Variants in COL4A6 observed in about 807,000 individuals in gnomAD.
COL4A6 encodes the protein collagen alpha-6(IV) chain.
Under a neutral mutation model 126.7 loss-of-function variants are expected in COL4A6, and 59 were observed. That is an observed-to-expected ratio of 0.47 (90% CI 0.38 to 0.58). The LOEUF is 0.58. COL4A6 is among the 20% of genes least tolerant of loss of function. The probability of loss-of-function intolerance (pLI) is 0.00; values close to 1 mark genes in which losing one functional copy is unlikely to be tolerated. For synonymous variants in COL4A6, 547 were observed against 496.6 expected (o/e 1.10, Z -1.35); for missense variants, 1,285 against 1,337.3 (o/e 0.96, Z 0.61).
At chrX:108,159,338 C>T in intron 44 of COL4A6, 124 bp downstream of exon 44, 1 of 835,922 alleles carries the variant, frequency 1.2e-6, no homozygotes, top group Non-Finnish European at 1.7e-6. Context: ...TTTAGCCAAG[C>T]CCAGTCCAAG....
intron 2 of COL4A6, among the ~76,000 whole-genome samples, chrX:108,391,805 C>T (rs1395670273): frequency 1.8e-5 from 2 of 112,473 alleles, no homozygotes; most frequent in African/African-American, 6.5e-5. Context: ...AGGCGCTGCC[C>T]CACCCTGCTT....
At chrX:108,197,916 T>C (rs2035272204) in intron 13 of COL4A6, among the ~76,000 whole-genome samples, 1 of 110,634 alleles carries the variant, frequency 9.0e-6, no homozygotes, top group Non-Finnish European at 1.9e-5. Context: ...ACATTAAATT[T>C]CTAATGTGAA....
intron 7 of COL4A6, among the ~76,000 whole-genome samples, chrX:108,210,371 C>A (rs1223091918): frequency 8.9e-6 from 1 of 112,114 alleles, no homozygotes; most frequent in African/African-American, 3.2e-5. Flanking sequence ...TCCTGTGTGC[C>A]TTCATCCCCA....
rs191025144 is a variant in COL4A6 at position 108,281,917 on chromosome X, T to C, written c.144+28831A>G. ...GGGAAAGGATTCCCTATTTAATAAA[T>C]GGTACTGGGAAAACTGGCTAGCCAT... On this transcript the variant is annotated intron_variant, in intron 3 of 44. Transcript: ENST00000334504. Among the ~76,000 whole-genome samples, 593 of 110,018 alleles carry C rather than the reference T, an allele frequency of 5.4e-3. 3 individuals are homozygous for C. Among genetic ancestry groups the C allele is most frequent in the African/African-American group, 0.018 (550 of 30,467 alleles).
At chrX:108,349,557 T>C (rs1028333529) in intron 2 of COL4A6, among the ~76,000 whole-genome samples, 2 of 111,753 alleles carry the variant, frequency 1.8e-5, no homozygotes, top group Non-Finnish European at 3.8e-5. Flanking sequence ...ATTATAATAA[T>C]ACTTTCCGTA....
chrX:108,244,031 TAACC>T (rs1402599060), intron 3 of COL4A6, among the ~76,000 whole-genome samples: 1 of 111,792 alleles, frequency 8.9e-6, no homozygotes, highest in Non-Finnish European at 1.9e-5. Flanking sequence ...TGTATTTTCT[TAACC>T]AAGACATATG....
At chrX:108,315,192 C>A (rs112137199) in intron 2 of COL4A6, among the ~76,000 whole-genome samples, 2 of 111,990 alleles carry the variant, frequency 1.8e-5, no homozygotes, top group Admixed American at 9.4e-5. Flanking sequence ...GTACTTTTTT[C>A]CCCCAGATCA....
At chrX:108,307,757 T>C (rs1319611092) in intron 3 of COL4A6, among the ~76,000 whole-genome samples, 2 of 111,707 alleles carry the variant, frequency 1.8e-5, no homozygotes, top group Admixed American at 9.5e-5. Flanking sequence ...TTCTGACATC[T>C]GCACACAAGG....
In COL4A6 at chrX:108,409,619, C is replaced by T. The variant is rs762937536; in HGVS notation, c.63+28323G>A. Among the ~76,000 whole-genome samples, 88 of 111,727 alleles carry T rather than the reference C, an allele frequency of 7.9e-4. 1 individual carries two copies. Among genetic ancestry groups the T allele is most frequent in the Non-Finnish European group, 1.0e-3 (55 of 53,108 alleles). ...GGTCAGTCTAACATTACCTGCTGTG[C>T]TCCTAACAACTATGGCCAAGAGCAA... On this transcript the variant is annotated intron_variant, in intron 2 of 44. Coordinates refer to ENST00000334504, the MANE Select transcript of COL4A6 (RefSeq NM_033641.4).
intron 3 of COL4A6, among the ~76,000 whole-genome samples, chrX:108,264,177 C>A (rs748061124): frequency 2.7e-5 from 3 of 111,111 alleles, no homozygotes; most frequent in Non-Finnish European, 5.7e-5. Flanking sequence ...AGAGATCTAT[C>A]ATCTAGCTAC....
intron 2 of COL4A6, among the ~76,000 whole-genome samples, chrX:108,332,229 C>A (rs2039320250): frequency 9.0e-6 from 1 of 111,445 alleles, no homozygotes; most frequent in Admixed American, 9.5e-5. Context: ...ATATCACATT[C>A]TTTTTATTGA....
chrX:108,171,349 T>C, intron 33 of COL4A6, 38 bp downstream of exon 33: 1 of 1,140,087 alleles, frequency 8.8e-7, no homozygotes, highest in Non-Finnish European at 1.2e-6. Context: ...TTTTGTGGAG[T>C]CTGTGAGGCA....
intron 31 of COL4A6, 33 bp from the exon 32 acceptor site, chrX:108,172,565 C>T (rs2034346160): frequency 8.7e-7 from 1 of 1,144,231 alleles, no homozygotes; most frequent in East Asian, 3.0e-5. Context: ...TCATTTCTGC[C>T]CAGAGCTCAG....
intron 2 of COL4A6, chrX:108,383,524 C>T (rs987784900): frequency 6.9e-6 from 3 of 435,561 alleles, no homozygotes; most frequent in Non-Finnish European, 8.3e-6. Context: ...GGTGTTTTTG[C>T]ATTCCTGTGG....
chrX:108,409,664 T>G (rs1046198705), intron 2 of COL4A6, among the ~76,000 whole-genome samples: 1 of 111,853 alleles, frequency 8.9e-6, no homozygotes, highest in Non-Finnish European at 1.9e-5. Flanking sequence ...AAGTCAGCTA[T>G]GTAAAAGCTC....
intron 23 of COL4A6, among the ~76,000 whole-genome samples, chrX:108,182,441 C>T (rs1297143577): frequency 8.9e-6 from 1 of 112,274 alleles, no homozygotes; most frequent in East Asian, 2.8e-4. Flanking sequence ...GTTATATTTC[C>T]AGAGGTGAAC....
At chrX:108,277,709 G>A (rs1569400572) in intron 3 of COL4A6, among the ~76,000 whole-genome samples, 1 of 112,249 alleles carries the variant, frequency 8.9e-6, no homozygotes, top group Non-Finnish European at 1.9e-5. Context: ...CCTGACCCCT[G>A]ACCCCCGAGC....
intron 2 of COL4A6, among the ~76,000 whole-genome samples, chrX:108,358,636 C>T (rs1051928437): frequency 1.8e-5 from 2 of 111,570 alleles, no homozygotes; most frequent in Non-Finnish European, 3.8e-5. Context: ...CTCAGGTGAT[C>T]TGCCCTCCTC....
intron 2 of COL4A6, among the ~76,000 whole-genome samples, chrX:108,357,900 G>T (rs1030509511): frequency 1.8e-5 from 2 of 111,432 alleles, no homozygotes; most frequent in African/African-American, 6.5e-5. Flanking sequence ...TTATAGTCTT[G>T]TAACCCTTAT....
Sources: gnomAD v4.1 joint callset for allele counts (sites outside exome capture counted in the v4.1 genomes callset) on GRCh38, gnomAD v4.1.1 for gene constraint, MANE v1.5 for transcripts, NCBI Gene and HGNC (gene_info 2026-07-23, HGNC 2026-07-21) for gene names.